The following STAM variants were observed in gnomAD, a reference collection of about 807,000 sequenced individuals.
The protein encoded by STAM is signal transducing adapter molecule 1.
STAM carries 16 observed loss-of-function variants against 63.4 expected under a neutral mutation model. The observed-to-expected ratio is 0.25, with a 90% confidence interval of 0.17 to 0.38. STAM has a LOEUF of 0.38. Among genes scored for constraint, STAM ranks in the 10% least tolerant of loss-of-function variants. The pLI is 1.00. For synonymous variants in STAM, 238 were observed against 223.9 expected (o/e 1.06, Z -0.56); for missense variants, 636 against 657.1 (o/e 0.97, Z 0.35).
chr10:17,661,697 A>G (rs1184603826), intron 2 of STAM, among the ~76,000 whole-genome samples: 1 of 152,252 alleles, frequency 6.6e-6, no homozygotes, highest in South Asian at 2.1e-4. Context: ...AGTCACCTTC[A>G]CATTTATTAC....
chr10:17,646,638 T>C (rs1475104147), intron 1 of STAM, among the ~76,000 whole-genome samples: 2 of 152,200 alleles, frequency 1.3e-5, no homozygotes, highest in Non-Finnish European at 2.9e-5. Context: ...CTTTTTAAAG[T>C]TGCTCAGGTT....
In STAM at chr10:17,705,828, GA is replaced by G. The variant is rs1836239121; in HGVS notation, c.1209+88del. The G allele has an allele frequency of 3.0e-6, 4 of 1,332,120 alleles. No homozygotes were observed. The South Asian group carries it at 4.5e-5, about 15-fold the overall frequency. The allele number at this position is 1,332,120 out of a possible 1,614,324, so 82.5% of individuals were successfully genotyped here. A position where few individuals can be genotyped will look rare whatever the true frequency, so the allele number is the denominator to read the frequency against. ...CATGCCTGTAATCTCAGCAATTTGG[GA>G]GGCCAAGGCAAGAGGATTGCTTGAG... is the stretch of plus-strand genomic sequence containing the variant. On this transcript the variant is annotated intron_variant, in intron 12 of 13. Coordinates refer to ENST00000377524, the MANE Select transcript of STAM (RefSeq NM_003473.4).
At chr10:17,646,868 A>G (rs1244935384) in intron 1 of STAM, among the ~76,000 whole-genome samples, 1 of 152,236 alleles carries the variant, frequency 6.6e-6, no homozygotes, top group Non-Finnish European at 1.5e-5. Flanking sequence ...TCATAACATT[A>G]AAGTAACTCA....
intron 11 of STAM, among the ~76,000 whole-genome samples, 153 bp downstream of exon 11, chr10:17,705,177 C>T (rs1164745196): frequency 6.6e-6 from 1 of 152,120 alleles, no homozygotes; most frequent in East Asian, 1.9e-4. Flanking sequence ...GAGAATTAGA[C>T]TCATTTGTCC....
chr10:17,660,606 C>A, intron 2 of STAM, 58 bp downstream of exon 2: 1 of 1,409,892 alleles, frequency 7.1e-7, no homozygotes, highest in Non-Finnish European at 9.8e-7. Context: ...ACACGAAAGG[C>A]CAGGTGCAGT....
At chr10:17,693,414 A>T in intron 6 of STAM, 102 bp downstream of exon 6, 1 of 954,558 alleles carries the variant, frequency 1.0e-6, no homozygotes, top group Non-Finnish European at 1.5e-6. Context: ...AAAAAGCTGA[A>T]ATCTGCTTTG....
Position 17,704,425 on chromosome 10 carries a change from C to T in STAM, c.913-6C>T, listed in dbSNP as rs960760765. ...GCTTTTTATATTAACTACTTAATTC[C>T]TGTAGGATAAAATGGACCAGTTGCT... is the stretch of plus-strand genomic sequence containing the variant. On this transcript the variant is annotated splice_region_variant and splice_polypyrimidine_tract_variant and intron_variant, in intron 9 of 13. Transcript: ENST00000377524. The T allele has an allele frequency of 1.2e-6, 2 of 1,612,510 alleles. No homozygotes were observed. The highest frequency in any genetic ancestry group is 2.7e-5 in the African/African-American group (2 of 74,848).
In STAM at chr10:17,684,553, A is replaced by G. The variant is rs912994385; in HGVS notation, c.126-122A>G. ...TTTTTCAACCGTGTTATTAATAAAA[A>G]TTAAATTTCCCTACTTTATCATAGT... On this transcript the variant is annotated intron_variant, in intron 2 of 13. Coordinates refer to ENST00000377524, the MANE Select transcript of STAM (RefSeq NM_003473.4). 7.5e-6 allele frequency: 5 copies of G among 668,848 alleles called. No homozygotes were observed. In the East Asian group the frequency reaches 9.1e-5, roughly 12 times the overall value. 41.4% of individuals were successfully genotyped at this position (668,848 alleles called of 1,614,324 possible).
rs781988953 is a variant in STAM, at chr10:17,700,180, A to G, written c.824-11A>G. 9 of 1,581,432 alleles carry G rather than the reference A, an allele frequency of 5.7e-6. No homozygotes were observed. In the South Asian group the frequency reaches 7.0e-5, roughly 12 times the overall value. ...ATTATTAAAAAAAGATAACTTTTAC[A>G]TATCTTACAGTTAAAACAGAGAAGA... On this transcript the variant is annotated splice_polypyrimidine_tract_variant and intron_variant, in intron 8 of 13. Coordinates refer to ENST00000377524, the MANE Select transcript of STAM (RefSeq NM_003473.4).
chr10:17,661,628 C>A (rs1212326984), intron 2 of STAM, among the ~76,000 whole-genome samples: 6 of 152,112 alleles, frequency 3.9e-5, no homozygotes, highest in Admixed American at 6.5e-5. Context: ...AACCTACTTT[C>A]TTTCAGTTTT....
At chr10:17,675,554 T>G (rs1834815703) in intron 2 of STAM, among the ~76,000 whole-genome samples, 2 of 151,526 alleles carry the variant, frequency 1.3e-5, no homozygotes, top group South Asian at 4.2e-4. Flanking sequence ...GTTTTAAACA[T>G]GATATTGTAG....
intron 2 of STAM, among the ~76,000 whole-genome samples, chr10:17,680,811 C>G (rs1295339385): frequency 2.6e-5 from 4 of 152,180 alleles, no homozygotes; most frequent in Non-Finnish European, 5.9e-5. Context: ...AAGTTCATCC[C>G]TGTTATAGCG....
intron 1 of STAM, among the ~76,000 whole-genome samples, chr10:17,649,387 T>G (rs1230497093): frequency 7.9e-6 from 1 of 125,890 alleles, no homozygotes; most frequent in Non-Finnish European, 1.6e-5. Flanking sequence ...AGTGAGACCC[T>G]GTCTTTAAAA....
intron 5 of STAM, 24 bp downstream of exon 5, chr10:17,688,197 G>C: frequency 6.8e-7 from 1 of 1,468,210 alleles, no homozygotes. Flanking sequence ...GAAGTTGTGT[G>C]TGTGCTACAG....
At chr10:17,697,824 G>A (rs1483609849) in intron 8 of STAM, among the ~76,000 whole-genome samples, 1 of 152,034 alleles carries the variant, frequency 6.6e-6, no homozygotes, top group African/African-American at 2.4e-5. Context: ...ATATGCTACA[G>A]TTATTTGGCA....
At chr10:17,691,283 C>T (rs555712870) in intron 5 of STAM, among the ~76,000 whole-genome samples, 42 of 152,242 alleles carry the variant, frequency 2.8e-4, no homozygotes, top group Admixed American at 1.3e-4. Flanking sequence ...CTTTGGGAGG[C>T]CGAGGCGGGT....
At chr10:17,696,744 A>G (rs1554827552) in intron 7 of STAM, 31 bp from the exon 8 acceptor site, 1 of 1,433,372 alleles carries the variant, frequency 7.0e-7, no homozygotes, top group African/African-American at 1.4e-5. Flanking sequence ...TACATTTGTT[A>G]TGGTAAAGCA....
intron 9 of STAM, among the ~76,000 whole-genome samples, chr10:17,701,608 T>G (rs1277489487): frequency 2.0e-5 from 3 of 152,226 alleles, no homozygotes; most frequent in African/African-American, 7.2e-5. Flanking sequence ...AAAAGTTTGC[T>G]TGGCCCTTGG....
Position 17,684,734 on chromosome 10 carries a change from C to G in STAM, c.185C>G (p.Ala62Gly). Residue 62 changes from alanine (A) to glycine (G), a missense_variant, in exon 3 of 14, where the codon GCT becomes GGT. Physicochemically the swap from Ala to Gly is moderately conservative, Grantham distance 60 (BLOSUM62 0). Coordinates refer to ENST00000377524, the MANE Select transcript of STAM (RefSeq NM_003473.4). ...RRVNHKDPHV[A>G]MQALTLLGAC... ...GTGAACCACAAAGATCCTCACGTTGCTATGCAGGCTTTGACTGTGAGTGGT... is the reference window on the plus strand; with the variant it reads ...GTGAACCACAAAGATCCTCACGTTGGTATGCAGGCTTTGACTGTGAGTGGT... 6.2e-7 allele frequency: 1 copy of G among 1,614,030 alleles called. No homozygotes were observed. The highest frequency in any genetic ancestry group is 8.5e-7 in the Non-Finnish European group (1 of 1,179,982).
Sources: gnomAD v4.1 joint callset for allele counts (sites outside exome capture counted in the v4.1 genomes callset) on GRCh38, gnomAD v4.1.1 for gene constraint, MANE v1.5 for transcripts, NCBI Gene and HGNC (gene_info 2026-07-23, HGNC 2026-07-21) for gene names.